PGRMC2: variants seen among roughly 807,000 people sequenced by gnomAD.
PGRMC2 encodes progesterone receptor membrane component 2.
In PGRMC2, 9 loss-of-function variants were observed where a neutral mutation model predicts 19.3. The observed-to-expected ratio is 0.47, with a 90% confidence interval of 0.28 to 0.81. The LOEUF (loss-of-function observed/expected upper bound fraction) is 0.81. Ranked by LOEUF, PGRMC2 falls within the 40% of genes least tolerant of loss-of-function variation. The pLI is 0.11. For missense variants in PGRMC2, 289 were observed against 297.3 expected, an observed-to-expected ratio of 0.97 and a Z score of 0.21; for synonymous variants, 157 against 124.6, an observed-to-expected ratio of 1.26 and a Z score of -1.73.
At chr4:128,276,066 G>A (rs1265304893) in intron 1 of PGRMC2, among the ~76,000 whole-genome samples, 1 of 152,130 alleles carries the variant, frequency 6.6e-6, no homozygotes, top group African/African-American at 2.4e-5. Context: ...AGGAACTAAA[G>A]TTGGAACTGG....
chr4:128,275,132 T>G (rs1157343424), intron 1 of PGRMC2, among the ~76,000 whole-genome samples: 2 of 152,214 alleles, frequency 1.3e-5, no homozygotes, highest in Non-Finnish European at 2.9e-5. Context: ...TTTAGAATAC[T>G]TATTAAATCA....
chr4:128,279,051 A>G (rs1760861819), intron 1 of PGRMC2, among the ~76,000 whole-genome samples: 1 of 152,090 alleles, frequency 6.6e-6, no homozygotes, highest in African/African-American at 2.4e-5. Flanking sequence ...TCTACTAAAA[A>G]TACAAAATTA....
At chr4:128,272,597 A>ACC (rs1554072646) in intron 1 of PGRMC2, 80 bp from the exon 2 acceptor site, 1 of 926,750 alleles carries the variant, frequency 1.1e-6, no homozygotes, top group African/African-American at 1.8e-5. Context: ...AAAAAAAAAA[A>ACC]AAAAAACACA....
At chr4:128,273,909 T>C (rs895145382) in intron 1 of PGRMC2, among the ~76,000 whole-genome samples, 5 of 152,244 alleles carry the variant, frequency 3.3e-5, no homozygotes, top group Admixed American at 2.6e-4. Flanking sequence ...GTAGCATTCA[T>C]AGGTATTGAT....
At chr4:128,281,636 A>G (rs1760911864) in intron 1 of PGRMC2, among the ~76,000 whole-genome samples, 1 of 152,226 alleles carries the variant, frequency 6.6e-6, no homozygotes, top group Admixed American at 6.5e-5. Context: ...TTAAGCTATT[A>G]AAGGACATAG....
At position 128,287,544 on chromosome 4, in the gene PGRMC2, CG is replaced by C; in HGVS notation, c.246del (p.Ala84ProfsTer15). ...GGGCTCTCCTCGCCCGCCCCGGCCC[CG>C]GCCCCCAGACCCCGCCGCCCCCAGC... Reference protein sequence around the residue: ...WVRWGRRGLGAGAGAGEESPA... With the variant: ...WVRWGRRGLGXGAGAGEESPA... On this transcript the variant is annotated frameshift_variant, in exon 1 of 3. Transcript: ENST00000296425. LOFTEE classifies it high-confidence loss of function. 2 of 1,546,548 alleles carry C rather than the reference CG, an allele frequency of 1.3e-6. No individual in the cohort carries two copies. The highest frequency in any genetic ancestry group is 1.7e-6 in the Non-Finnish European group (2 of 1,146,006).
chr4:128,272,893 T>A (rs1228944753), intron 1 of PGRMC2: 1 of 160,278 alleles, frequency 6.2e-6, no homozygotes, highest in Non-Finnish European at 1.4e-5. Context: ...CTGGTTGCTG[T>A]TAATAGTGGC....
chr4:128,276,706 T>C (rs968597608), intron 1 of PGRMC2, among the ~76,000 whole-genome samples: 7 of 152,208 alleles, frequency 4.6e-5, no homozygotes, highest in African/African-American at 1.7e-4. Flanking sequence ...AGTTCAGTAG[T>C]AACTAGAAGA....
In PGRMC2 at chr4:128,269,978, C is replaced by T. The variant is rs1760702064; in HGVS notation, c.*1338G>A. ...ATGTTCCACAAAGTGGAATTTCTTC[C>T]TAAAGTTATGCTGAATGTGGTACAA... On this transcript the variant is annotated 3_prime_UTR_variant, in exon 3 of 3. Coordinates refer to ENST00000296425, the MANE Select transcript of PGRMC2 (RefSeq NM_006320.6). 1 of 152,580 alleles carries T rather than the reference C, an allele frequency of 6.6e-6. No homozygotes were observed. Among genetic ancestry groups the T allele is most frequent in the Non-Finnish European group, 1.5e-5 (1 of 68,024 alleles). 9.5% of individuals were successfully genotyped at this position (152,580 alleles called of 1,614,324 possible). A position where few individuals can be genotyped will look rare whatever the true frequency, so the allele number is the denominator to read the frequency against.
chr4:128,272,672 T>C (rs2110558117), intron 1 of PGRMC2, 155 bp from the exon 2 acceptor site: 1 of 417,962 alleles, frequency 2.4e-6, no homozygotes, highest in East Asian at 3.6e-5. Context: ...CATGTACAGA[T>C]ACTAGATGGA....
At chr4:128,274,256 G>A (rs531136810) in intron 1 of PGRMC2, among the ~76,000 whole-genome samples, 9 of 152,204 alleles carry the variant, frequency 5.9e-5, no homozygotes, top group African/African-American at 1.9e-4. Context: ...CAGGTGCGGT[G>A]GCTCATGCCT....
At chr4:128,287,341 G>A (rs1254937639) in intron 1 of PGRMC2, 32 bp downstream of exon 1, 2 of 1,569,830 alleles carry the variant, frequency 1.3e-6, no homozygotes, top group Non-Finnish European at 1.7e-6. Flanking sequence ...TCAGCTGCAG[G>A]GGGTCCTTCC....
At chr4:128,285,229 A>C (rs566589441) in intron 1 of PGRMC2, among the ~76,000 whole-genome samples, 1 of 152,182 alleles carries the variant, frequency 6.6e-6, no homozygotes, top group African/African-American at 2.4e-5. Flanking sequence ...GGGTTCCAGC[A>C]ACTCTCCCTG....
intron 1 of PGRMC2, among the ~76,000 whole-genome samples, chr4:128,284,674 A>C (rs1760958319): frequency 6.6e-6 from 1 of 152,240 alleles, no homozygotes; most frequent in Non-Finnish European, 1.5e-5. Flanking sequence ...TCCTAAAACC[A>C]TTATTGTGAA....
At chr4:128,276,604 T>G (rs1035347577) in intron 1 of PGRMC2, among the ~76,000 whole-genome samples, 6 of 152,242 alleles carry the variant, frequency 3.9e-5, no homozygotes, top group African/African-American at 1.4e-4. Flanking sequence ...ATTACAGGCA[T>G]GAGCCACTGT....
chr4:128,276,462 G>T (rs1490977595), intron 1 of PGRMC2, among the ~76,000 whole-genome samples: 1 of 151,930 alleles, frequency 6.6e-6, no homozygotes, highest in Non-Finnish European at 1.5e-5. Flanking sequence ...TGGGATTATT[G>T]GGTGTGGCAC....
chr4:128,272,476 C>T lies in PGRMC2; in HGVS notation c.460G>A (p.Gly154Arg). ...TTATCTAGGCAAAATGTGGCCAGTC[C>T]TCTGGAGGCATCCCTACCAGCAAAT... The part of the protein sequence containing the change: ...GIFAGRDASR[G>R]LATFCLDKDA... The change falls in exon 2 of 3, where the codon GGA (glycine) becomes AGA (arginine). Residue 154 changes from glycine (G) to arginine (R), a missense_variant. Transcript: ENST00000296425. The T allele has an allele frequency of 1.3e-6, 2 of 1,553,834 alleles. No individual in the cohort carries two copies. Among genetic ancestry groups the T allele is most frequent in the Non-Finnish European group, 1.7e-6 (2 of 1,152,418 alleles).
In PGRMC2 at chr4:128,287,585, T is replaced by A; in HGVS notation, c.206A>T (p.Tyr69Phe). 1 of 1,074,052 alleles carries A rather than the reference T, an allele frequency of 9.3e-7. No homozygotes were observed. Among genetic ancestry groups the A allele is most frequent in the Non-Finnish European group, 1.2e-6 (1 of 825,296 alleles). 66.5% of individuals were successfully genotyped at this position (1,074,052 alleles called of 1,614,324 possible). ...CCGCCCCCAGCGCACCCACAGCCGG[T>A]AGGCCCCCAGCAGCACCAGAGCCAC... The part of the protein sequence containing the change: ...ALVALVLLGA[Y>F]RLWVRWGRRG... The change falls in exon 1 of 3, where the codon TAC becomes TTC. Residue 69 changes from tyrosine (Y) to phenylalanine (F), a missense_variant. Physicochemically the swap from Tyr to Phe is conservative, Grantham distance 22. Transcript: ENST00000296425.
chr4:128,272,158 C>T (rs1282153863), intron 2 of PGRMC2, among the ~76,000 whole-genome samples: 1 of 152,110 alleles, frequency 6.6e-6, no homozygotes, highest in Non-Finnish European at 1.5e-5. Flanking sequence ...TCCTTGAACT[C>T]CTGAGCTCAA....
Sources: allele counts gnomAD v4.1 joint callset (sites outside exome capture counted in the v4.1 genomes callset), GRCh38; gene constraint gnomAD v4.1.1; transcripts MANE v1.5; gene names NCBI Gene and HGNC (gene_info 2026-07-23, HGNC 2026-07-21).